NOL4: variants seen among roughly 807,000 people sequenced by gnomAD.
NOL4 encodes the protein nucleolar protein 4.
In NOL4, 17 loss-of-function variants were observed where a neutral mutation model predicts 75.9. The ratio of observed to expected loss-of-function variants is 0.22; its 90% CI spans 0.15 to 0.34. The LOEUF is 0.34. Among genes scored for constraint, NOL4 ranks in the 10% least tolerant of loss-of-function variants. NOL4 has a pLI of 1.00. For missense variants in NOL4, 614 were observed against 793.5 expected (o/e 0.77, Z 2.72); for synonymous variants, 292 against 289.9 (o/e 1.01, Z -0.07).
At chr18:34,094,556 A>AT (rs2078680169) in intron 4 of NOL4, among the ~76,000 whole-genome samples, 1 of 152,212 alleles carries the variant, frequency 6.6e-6, no homozygotes, top group African/African-American at 2.4e-5. Context: ...TATTGCAGTC[A>AT]TTTTTCTGAA....
chr18:33,979,737 T>TA (rs975241387), intron 6 of NOL4, among the ~76,000 whole-genome samples: 2 of 151,992 alleles, frequency 1.3e-5, no homozygotes, highest in East Asian at 1.9e-4. Context: ...ATAAAGACCA[T>TA]AAAAAACTTT....
intron 5 of NOL4, among the ~76,000 whole-genome samples, chr18:34,029,075 A>G (rs778746039): frequency 1.3e-5 from 2 of 152,170 alleles, no homozygotes; most frequent in Non-Finnish European, 2.9e-5. Flanking sequence ...ACGTAGAAAC[A>G]GAAAAGATAA....
At chr18:33,946,220 G>A (rs893510809) in intron 8 of NOL4, among the ~76,000 whole-genome samples, 2 of 151,570 alleles carry the variant, frequency 1.3e-5, no homozygotes, top group African/African-American at 4.8e-5. Context: ...TGCAGAGAAT[G>A]TACTATATCT....
At chr18:34,024,194 A>AT (rs1555696186) in intron 5 of NOL4, among the ~76,000 whole-genome samples, 1,438 of 70,552 alleles carry the variant, frequency 0.02, 88 homozygotes, top group Middle Eastern at 0.057. Context: ...AAAAAAAAAA[A>AT]ATATATATAT....
chr18:33,911,857 C>A (rs1389138954), intron 9 of NOL4, among the ~76,000 whole-genome samples: 4 of 151,984 alleles, frequency 2.6e-5, no homozygotes, highest in Non-Finnish European at 4.4e-5. Context: ...ATTTATTCTG[C>A]CCATTTTTAG....
chr18:33,872,330 C>T lies in NOL4; in HGVS notation c.1723+10914G>A, dbSNP rs546811357. The stretch of plus-strand genomic sequence containing the variant: ...GGTTTTCAATGCCTACATTATAACT[C>T]ACACTGGGATTAGTTCTTCTCAGAA... On this transcript the variant is annotated intron_variant, in intron 10 of 10. Coordinates refer to ENST00000261592, the MANE Select transcript of NOL4 (RefSeq NM_003787.5). 1.2e-4 allele frequency among the ~76,000 whole-genome samples: 19 copies of T among 152,086 alleles called. No individual in the cohort carries two copies. The South Asian group carries it at 3.9e-3, about 32-fold the overall frequency.
In NOL4 at chr18:34,019,304, T is replaced by A; in HGVS notation, c.1056+14A>T. 6.2e-7 allele frequency: 1 copy of A among 1,605,728 alleles called. No individual in the cohort carries two copies. The highest frequency in any genetic ancestry group is 1.7e-4 in the Middle Eastern group (1 of 6,000). On this transcript the variant is annotated intron_variant, in intron 6 of 10. Transcript: ENST00000261592. ...ACCAACTCAAAAATTCTGGAAATTG[T>A]AATGTGATCATACCTTGCTTCCATT...
intron 6 of NOL4, among the ~76,000 whole-genome samples, chr18:33,987,898 G>A (rs2072590020): frequency 6.6e-6 from 1 of 152,028 alleles, no homozygotes; most frequent in African/African-American, 2.4e-5. Flanking sequence ...GATGATTTCT[G>A]CTTTTATCAG....
At chr18:34,065,026 C>T (rs2145178623) in intron 5 of NOL4, among the ~76,000 whole-genome samples, 1 of 151,544 alleles carries the variant, frequency 6.6e-6, no homozygotes, top group Non-Finnish European at 1.5e-5. Context: ...TAGAAACAAT[C>T]TATAGAAATG....
intron 1 of NOL4, among the ~76,000 whole-genome samples, chr18:34,168,281 G>A (rs1406801315): frequency 2.0e-5 from 3 of 151,778 alleles, no homozygotes; most frequent in Admixed American, 6.6e-5. Context: ...TTCTCAATAG[G>A]AAGTAAAATG....
At chr18:33,945,073 T>C (rs1039389521) in intron 8 of NOL4, among the ~76,000 whole-genome samples, 2 of 152,030 alleles carry the variant, frequency 1.3e-5, no homozygotes, top group East Asian at 1.9e-4. Context: ...TTGATTGTAG[T>C]TAGCATTATT....
intron 1 of NOL4, among the ~76,000 whole-genome samples, chr18:34,198,316 T>A (rs1233259964): frequency 1.3e-5 from 2 of 151,820 alleles, no homozygotes; most frequent in Non-Finnish European, 3.0e-5. Context: ...TTTCCAATCC[T>A]CCTCACCCTC....
intron 5 of NOL4, among the ~76,000 whole-genome samples, chr18:34,060,513 G>A (rs965129489): frequency 2.0e-5 from 3 of 152,008 alleles, no homozygotes; most frequent in African/African-American, 7.3e-5. Context: ...ATTAATGGGT[G>A]GTGTTTATTT....
intron 5 of NOL4, among the ~76,000 whole-genome samples, chr18:34,029,142 C>T (rs2075503043): frequency 6.6e-6 from 1 of 152,120 alleles, no homozygotes; most frequent in Non-Finnish European, 1.5e-5. Context: ...TCTCTCAGTA[C>T]AATTACTAAT....
intron 6 of NOL4, among the ~76,000 whole-genome samples, chr18:33,971,551 G>A (rs1262629292): frequency 1.3e-5 from 2 of 152,128 alleles, no homozygotes; most frequent in Admixed American, 6.5e-5. Flanking sequence ...GTTTACTCTT[G>A]TGAACTGCAT....
intron 10 of NOL4, among the ~76,000 whole-genome samples, chr18:33,863,810 T>TGGAG (rs2063298529): frequency 6.6e-6 from 1 of 152,132 alleles, no homozygotes; most frequent in Non-Finnish European, 1.5e-5. Context: ...CAAATTTCCC[T>TGGAG]TCCACACAGC....
intron 6 of NOL4, among the ~76,000 whole-genome samples, chr18:33,977,569 AC>A (rs1474307915): frequency 6.6e-6 from 1 of 152,092 alleles, no homozygotes; most frequent in Non-Finnish European, 1.5e-5. Flanking sequence ...TTTATAAATT[AC>A]CTAGTCTAGG....
intron 1 of NOL4, among the ~76,000 whole-genome samples, chr18:34,198,067 A>C (rs145015430): frequency 2.5e-3 from 377 of 152,092 alleles, no homozygotes; most frequent in African/African-American, 8.7e-3. Flanking sequence ...TAGTCATGTC[A>C]CAGTGAAACT....
intron 2 of NOL4, chr18:34,121,318 T>C (rs1404298465): frequency 6.6e-6 from 1 of 152,036 alleles, no homozygotes; most frequent in African/African-American, 2.4e-5. Flanking sequence ...CCTTGGGCCC[T>C]AGGGGAGAAC....
Sources: allele counts gnomAD v4.1 joint callset (sites outside exome capture counted in the v4.1 genomes callset), GRCh38; gene constraint gnomAD v4.1.1; transcripts MANE v1.5; gene names NCBI Gene and HGNC (gene_info 2026-07-23, HGNC 2026-07-21).